The following TCF12 variants were observed in gnomAD, a reference collection of about 807,000 sequenced individuals.
TCF12 encodes the protein DNA-binding protein HTF4.
TCF12 carries 45 observed loss-of-function variants against 86.0 expected under a neutral mutation model. The observed-to-expected ratio is 0.52, with a 90% CI of 0.41 to 0.67. The LOEUF is 0.67. TCF12 is among the 30% of genes least tolerant of loss of function. The pLI is 0.00. For missense variants in TCF12, 881 were observed against 859.9 expected (o/e 1.02, Z -0.31); for synonymous variants, 330 against 299.6 (o/e 1.10, Z -1.05).
rs1379126965 is a variant in TCF12, at chr15:57,177,099, G to A, written c.390+10633G>A. On this transcript the variant is annotated intron_variant, in intron 6 of 20. Transcript: ENST00000333725. ...GGCACACAGTAGGCATTGAGAAAAT[G>A]TTGTTTGAATCTGAACCATGTGATC... is the stretch of plus-strand genomic sequence containing the variant. Among the ~76,000 whole-genome samples the A allele has an allele frequency of 3.3e-5, 5 of 151,390 alleles. No individual in the cohort carries two copies. The East Asian group carries it at 9.7e-4, about 29-fold the overall frequency.
intron 5 of TCF12, among the ~76,000 whole-genome samples, chr15:57,140,259 G>A (rs117198346): frequency 1.3e-5 from 2 of 152,306 alleles, no homozygotes; most frequent in East Asian, 3.9e-4. Context: ...GCTATAACAT[G>A]GATGGATCTT....
intron 3 of TCF12, among the ~76,000 whole-genome samples, chr15:57,055,791 C>G (rs1464058208): frequency 2.0e-5 from 3 of 152,054 alleles, no homozygotes; most frequent in Non-Finnish European, 1.5e-5. Flanking sequence ...TATTTATACT[C>G]TCTGGGTTTC....
intron 3 of TCF12, among the ~76,000 whole-genome samples, chr15:57,030,575 T>G (rs1010613156): frequency 1.6e-4 from 24 of 152,278 alleles, no homozygotes; most frequent in African/African-American, 5.3e-4. Flanking sequence ...TTGAAAGTAA[T>G]CACGTTCATT....
chr15:57,064,809 AAAAAG>A (rs1212395695), intron 4 of TCF12, among the ~76,000 whole-genome samples: 2 of 146,038 alleles, frequency 1.4e-5, no homozygotes, highest in Admixed American at 7.0e-5. Flanking sequence ...AAAAAAAAAA[AAAAAG>A]AGAGAGAGAG....
Position 57,177,608 on chromosome 15 carries a change from C to CAGAG in TCF12, c.390+11169_390+11172dup, listed in dbSNP as rs11270421. Among the ~76,000 whole-genome samples the CAGAG allele has an allele frequency of 6.8e-3, 836 of 122,990 alleles. 45 individuals carry two copies. The highest frequency in any genetic ancestry group is 0.018 in the Middle Eastern group (4 of 226). The allele number at this position is 122,990 out of a possible 152,430, so 80.7% of individuals were successfully genotyped here. A position where few individuals can be genotyped will look rare whatever the true frequency, so the allele number is the denominator to read the frequency against. On this transcript the variant is annotated intron_variant, in intron 6 of 20. Coordinates refer to ENST00000333725, the MANE Select transcript of TCF12 (RefSeq NM_207037.2). ...TAATGTCCTATTTTTGTTAAAAGGC[C>CAGAG]AGAGAGAGAGAGAGAGAGAGAGAGA...
rs908826013 is a variant in TCF12 at position 57,228,530 on chromosome 15, T to A, written c.580-2622T>A. Among the ~76,000 whole-genome samples, 5 of 152,066 alleles carry A rather than the reference T, an allele frequency of 3.3e-5. No homozygotes were observed. The South Asian group carries it at 1.0e-3, about 31-fold the overall frequency. ...AAACTTTACCTCTAAAATGTGCCATTTTCTCCATACAACTTCAAAATTTTT... is the reference window on the plus strand; with the variant it reads ...AAACTTTACCTCTAAAATGTGCCATATTCTCCATACAACTTCAAAATTTTT... On this transcript the variant is annotated intron_variant, in intron 8 of 20. Coordinates refer to ENST00000333725, the MANE Select transcript of TCF12 (RefSeq NM_207037.2).
At chr15:57,032,994 A>G (rs550119031) in intron 3 of TCF12, among the ~76,000 whole-genome samples, 1 of 152,182 alleles carries the variant, frequency 6.6e-6, no homozygotes, top group Admixed American at 6.5e-5. Context: ...TAAAAGGTAA[A>G]GAGGAAACAA....
chr15:57,222,742 GA>G (rs1388679511), intron 8 of TCF12, among the ~76,000 whole-genome samples: 2 of 131,266 alleles, frequency 1.5e-5, no homozygotes, highest in African/African-American at 2.7e-5. Flanking sequence ...AGTTTTGGGG[GA>G]AAAAAAGGAC....
At chr15:57,075,072 A>G (rs1165041350) in intron 4 of TCF12, among the ~76,000 whole-genome samples, 2 of 152,198 alleles carry the variant, frequency 1.3e-5, no homozygotes, top group Non-Finnish European at 2.9e-5. Context: ...GTCATTTTAC[A>G]TCATAATCAG....
intron 3 of TCF12, among the ~76,000 whole-genome samples, chr15:57,054,773 CTTTTTTTTTTTTTTTTT>C (rs35859330): frequency 1.7e-4 from 4 of 24,166 alleles, no homozygotes; most frequent in Non-Finnish European, 3.4e-4. Flanking sequence ...AATGCCTCTG[CTTTTTTTTTTTTTTTTT>C]TTTTTTTTTT....
At chr15:57,185,763 T>C (rs1597152784) in intron 6 of TCF12, among the ~76,000 whole-genome samples, 1 of 152,058 alleles carries the variant, frequency 6.6e-6, no homozygotes, top group Admixed American at 6.6e-5. Context: ...GCACATCTAG[T>C]CCCAGCCACT....
chr15:56,918,373 T>TA, upstream of TCF12: 1 of 383,678 alleles, frequency 2.6e-6, no homozygotes, highest in East Asian at 8.3e-5. Context: ...GCCACCCCGC[T>TA]CCCAGGAGGC....
chr15:57,091,958 T>A, intron 5 of TCF12, 67 bp downstream of exon 5: 1 of 1,375,314 alleles, frequency 7.3e-7, no homozygotes, highest in East Asian at 2.3e-5. Context: ...TTTTTATCCC[T>A]TTGTCCAGGA....
At chr15:56,999,197 C>G in intron 3 of TCF12, among the ~76,000 whole-genome samples, 1 of 101,736 alleles carries the variant, frequency 9.8e-6, no homozygotes, top group East Asian at 3.2e-4. Flanking sequence ...GACTCCATCT[C>G]AAAAAAAAAA....
At chr15:57,039,596 C>T (rs1303880968) in intron 3 of TCF12, among the ~76,000 whole-genome samples, 4 of 152,040 alleles carry the variant, frequency 2.6e-5, no homozygotes, top group African/African-American at 9.6e-5. Flanking sequence ...ATCATAGCTT[C>T]AGCTTTTGTT....
intron 6 of TCF12, among the ~76,000 whole-genome samples, chr15:57,178,781 G>A (rs558098968): frequency 3.3e-5 from 5 of 152,260 alleles, no homozygotes; most frequent in South Asian, 4.1e-4. Context: ...AACCTCACAA[G>A]ACTGCCTTCA....
intron 4 of TCF12, among the ~76,000 whole-genome samples, chr15:57,081,273 A>T (rs1024361764): frequency 9.9e-5 from 15 of 152,146 alleles, no homozygotes; most frequent in Admixed American, 2.6e-4. Flanking sequence ...CAATAGTTCT[A>T]TCGGGGAGCA....
chr15:57,079,578 CA>C (rs1286845936), intron 4 of TCF12, among the ~76,000 whole-genome samples: 3 of 152,152 alleles, frequency 2.0e-5, no homozygotes, highest in African/African-American at 7.2e-5. Context: ...TCTGGACACA[CA>C]AATAACCACA....
rs1295823238 is a variant in TCF12, at chr15:57,017,718, TTTTC to T, written c.149-46024_149-46021del. Among the ~76,000 whole-genome samples the T allele has an allele frequency of 2.2e-4, 29 of 131,218 alleles. 1 individual carries two copies. In the South Asian group the frequency reaches 6.3e-3, roughly 28 times the overall value. The allele number at this position is 131,218 out of a possible 152,430, so 86.1% of individuals were successfully genotyped here. On this transcript the variant is annotated intron_variant, in intron 3 of 20. Transcript: ENST00000333725. The stretch of plus-strand genomic sequence containing the variant: ...CCTCAGGAGATGTGAGAAGGTCTAA[TTTTC>T]TTTCTTTTTTTTTTTTTTTTTGCCT...
Sources: gnomAD v4.1 joint callset for allele counts (sites outside exome capture counted in the v4.1 genomes callset) on GRCh38, gnomAD v4.1.1 for gene constraint, MANE v1.5 for transcripts, NCBI Gene and HGNC (gene_info 2026-07-23, HGNC 2026-07-21) for gene names.